IPO7: variants seen among roughly 807,000 people sequenced by gnomAD.
The protein encoded by IPO7 is importin-7.
A neutral mutation model predicts 136.4 loss-of-function variants in IPO7; 13 were observed. The ratio of observed to expected loss-of-function variants is 0.10; its 90% CI spans 0.06 to 0.15. The LOEUF (loss-of-function observed/expected upper bound fraction) is 0.15, where lower values mean the gene tolerates loss of function less well. Ranked by LOEUF, IPO7 falls within the 10% of genes least tolerant of loss-of-function variation. The pLI is 1.00. For missense variants in IPO7, 857 were observed against 1,240.6 expected, an observed-to-expected ratio of 0.69 and a Z score of 4.65; for synonymous variants, 403 against 404.4, an observed-to-expected ratio of 1.00 and a Z score of 0.04.
chr11:9,404,114 C>T (rs1381546653), intron 2 of IPO7, among the ~76,000 whole-genome samples: 1 of 152,126 alleles, frequency 6.6e-6, no homozygotes, highest in African/African-American at 2.4e-5. Context: ...TCTAGAAAAA[C>T]AGATTACATT....
chr11:9,405,880 C>G (rs374419890), intron 2 of IPO7, among the ~76,000 whole-genome samples: 2 of 151,214 alleles, frequency 1.3e-5, no homozygotes, highest in East Asian at 3.9e-4. Flanking sequence ...TCCTCCTTTC[C>G]CTCCTTCTCT....
At chr11:9,422,423 A>G (rs1199164856) in intron 8 of IPO7, among the ~76,000 whole-genome samples, 1 of 152,000 alleles carries the variant, frequency 6.6e-6, no homozygotes, top group Non-Finnish European at 1.5e-5. Flanking sequence ...TTTTTTTAAA[A>G]AAAGACAATA....
intron 10 of IPO7, 47 bp downstream of exon 10, chr11:9,423,923 G>A: frequency 9.1e-7 from 1 of 1,097,050 alleles, no homozygotes; most frequent in Non-Finnish European, 1.4e-6. Context: ...CAGTAATTAA[G>A]ATTACAGTGA....
rs1254481615 is a variant in IPO7, at chr11:9,424,783, A to T, written c.1142-131A>T. On this transcript the variant is annotated intron_variant, in intron 10 of 24. Transcript: ENST00000379719. ...TTCAATTTGTACAGAAAAGACATTG[A>T]ATTCTGCTTTTGCAAAATTATAAAG... 4 of 626,792 alleles carry T rather than the reference A, an allele frequency of 6.4e-6. No homozygotes were observed. The Admixed American group carries it at 9.6e-5, about 15-fold the overall frequency. 38.8% of individuals were successfully genotyped at this position (626,792 alleles called of 1,614,324 possible).
chr11:9,439,846 T>C (rs779542978), intron 22 of IPO7, among the ~76,000 whole-genome samples: 9 of 152,236 alleles, frequency 5.9e-5, no homozygotes, highest in Non-Finnish European at 1.0e-4. Context: ...GTGTTGGGAT[T>C]ACAGGCGTGA....
chr11:9,424,619 C>T (rs890201634), intron 10 of IPO7, among the ~76,000 whole-genome samples: 4 of 152,072 alleles, frequency 2.6e-5, no homozygotes, highest in African/African-American at 9.7e-5. Flanking sequence ...TGGCAGGCAC[C>T]TGTAAACCAG....
chr11:9,384,936 C>A, intron 1 of IPO7, 89 bp downstream of exon 1: 1 of 1,007,284 alleles, frequency 9.9e-7, no homozygotes, highest in African/African-American at 1.6e-5. Flanking sequence ...GAGGCGCGGA[C>A]GACGTCGTTG....
At chr11:9,431,848 G>A (rs866854218) in intron 16 of IPO7, among the ~76,000 whole-genome samples, 6 of 152,154 alleles carry the variant, frequency 3.9e-5, no homozygotes, top group East Asian at 1.9e-4. Context: ...GGTGGCGGGC[G>A]CCTGTAATCC....
intron 18 of IPO7, 94 bp downstream of exon 18, chr11:9,433,940 T>TTG: frequency 1.1e-6 from 1 of 889,676 alleles, no homozygotes. Flanking sequence ...TTTTTTTTTT[T>TTG]GAGTCGGAAT....
At chr11:9,400,546 A>G (rs1854778471) in intron 1 of IPO7, among the ~76,000 whole-genome samples, 1 of 151,848 alleles carries the variant, frequency 6.6e-6, no homozygotes, top group African/African-American at 2.4e-5. Context: ...CTCAGCCTCC[A>G]GAGTAGCTGG....
chr11:9,393,367 G>T (rs572134510), intron 1 of IPO7, among the ~76,000 whole-genome samples: 64 of 152,098 alleles, frequency 4.2e-4, no homozygotes, highest in African/African-American at 1.3e-3. Context: ...TGTGGTTAGT[G>T]GTTAGTTTCC....
rs1855552319 is a variant in IPO7, at chr11:9,447,951, T to G, written c.*2757T>G. 1 of 152,212 alleles carries G rather than the reference T, an allele frequency of 6.6e-6. No individual in the cohort carries two copies. Among genetic ancestry groups the G allele is most frequent in the African/African-American group, 2.4e-5 (1 of 41,456 alleles). The allele number at this position is 152,212 out of a possible 1,614,324, so 9.4% of individuals were successfully genotyped here. On this transcript the variant is annotated 3_prime_UTR_variant, in exon 25 of 25. Transcript: ENST00000379719. The stretch of plus-strand genomic sequence containing the variant: ...ATATGCTGCTATTCAGTCCCAGATG[T>G]AGCCCCTGAAGCAAGCATAAAGAAA...
chr11:9,445,300 T>A lies in IPO7; in HGVS notation c.*106T>A. The A allele has an allele frequency of 2.3e-6, 1 of 429,276 alleles. No individual in the cohort carries two copies. The highest frequency in any genetic ancestry group is 2.5e-5 in the South Asian group (1 of 39,224). The allele number at this position is 429,276 out of a possible 1,614,324, so 26.6% of individuals were successfully genotyped here. On this transcript the variant is annotated 3_prime_UTR_variant, in exon 25 of 25. Coordinates refer to ENST00000379719, the MANE Select transcript of IPO7 (RefSeq NM_006391.3). Reference sequence around the variant, plus strand: ...TTATCTATTCTAAACTAATAATCAATAGATGGACAAAAGAAACAACAACCC... The same window carrying A: ...TTATCTATTCTAAACTAATAATCAAAAGATGGACAAAAGAAACAACAACCC...
At chr11:9,420,248 C>G in intron 6 of IPO7, 163 bp from the exon 7 acceptor site, 1 of 526,776 alleles carries the variant, frequency 1.9e-6, no homozygotes, top group Non-Finnish European at 3.3e-6. Context: ...ACTCGGGAGG[C>G]GGAGCTTGCA....
intron 1 of IPO7, among the ~76,000 whole-genome samples, chr11:9,398,726 T>G (rs531356236): frequency 1.3e-5 from 2 of 152,350 alleles, no homozygotes; most frequent in South Asian, 4.1e-4. Flanking sequence ...TATCATTTCT[T>G]TGGGCTAGGA....
chr11:9,397,334 A>AAAAAT lies in IPO7; in HGVS notation c.85-5952_85-5951insTAAAA, dbSNP rs1854724056. ...ACCCCGTCTTTACTAAAAATAATTT[A>AAAAAT]AAAAAAAATATATATATATATATAT... On this transcript the variant is annotated intron_variant, in intron 1 of 24. Transcript: ENST00000379719. 4.6e-5 allele frequency among the ~76,000 whole-genome samples: 2 copies of AAAAAT among 43,258 alleles called. 1 individual carries two copies. The highest frequency in any genetic ancestry group is 2.8e-4 in the African/African-American group (2 of 7,266). The allele number at this position is 43,258 out of a possible 152,430, so 28.4% of individuals were successfully genotyped here.
intron 2 of IPO7, among the ~76,000 whole-genome samples, chr11:9,406,495 A>T (rs1435936112): frequency 6.6e-6 from 1 of 152,168 alleles, no homozygotes; most frequent in Non-Finnish European, 1.5e-5. Context: ...TTACACTGGG[A>T]AATTGTTTTA....
In IPO7 at chr11:9,423,865, G is replaced by A. The variant is rs760720332; in HGVS notation, c.1130G>A (p.Arg377His). The change falls in exon 10 of 25, where the codon CGC becomes CAC. Residue 377 changes from arginine (R) to histidine (H), a missense_variant. Coordinates refer to ENST00000379719, the MANE Select transcript of IPO7 (RefSeq NM_006391.3). ...LWQEDPYEYI[R>H]MKFDVFEDFI... ...CAAGAAGACCCTTACGAATATATAC[G>A]CATGAAGTTTGGTAAGGAATTTTCA... is the stretch of plus-strand genomic sequence containing the variant. 3 of 1,593,672 alleles carry A rather than the reference G, an allele frequency of 1.9e-6. No individual in the cohort carries two copies. Among genetic ancestry groups the A allele is most frequent in the Admixed American group, 1.7e-5 (1 of 59,374 alleles).
intron 5 of IPO7, 121 bp from the exon 6 acceptor site, chr11:9,416,938 G>C: frequency 4.1e-6 from 2 of 493,050 alleles, no homozygotes; most frequent in Non-Finnish European, 7.3e-6. Flanking sequence ...GTTTGCCTAT[G>C]TACTAAAAGC....
Sources: allele counts gnomAD v4.1 joint callset (sites outside exome capture counted in the v4.1 genomes callset), GRCh38; gene constraint gnomAD v4.1.1; transcripts MANE v1.5; gene names NCBI Gene and HGNC (gene_info 2026-07-23, HGNC 2026-07-21).